The following MROH2A variants were observed in gnomAD, a reference collection of about 807,000 sequenced individuals.
MROH2A encodes the protein maestro heat-like repeat-containing protein family member 2A.
Under a neutral mutation model 200.4 loss-of-function variants are expected in MROH2A, and 174 were observed. The observed-to-expected ratio is 0.87, with a 90% CI of 0.77 to 0.98. The LOEUF (loss-of-function observed/expected upper bound fraction) is 0.98. Ranked by LOEUF, MROH2A falls within the 50% of genes least tolerant of loss-of-function variation. MROH2A has a pLI of 0.00. For synonymous variants in MROH2A, 829 were observed against 840.4 expected (o/e 0.99, Z 0.23); for missense variants, 2,045 against 2,139.6 (o/e 0.96, Z 0.87).
intron 14 of MROH2A, among the ~76,000 whole-genome samples, chr2:233,800,739 G>A (rs1483689595): frequency 6.6e-6 from 1 of 152,168 alleles, no homozygotes; most frequent in Non-Finnish European, 1.5e-5. Context: ...CAGGACAGAG[G>A]AGTGTGCACT....
At chr2:233,804,438 G>A in intron 17 of MROH2A, 57 bp from the exon 18 acceptor site, 1 of 1,538,180 alleles carries the variant, frequency 6.5e-7, no homozygotes, top group Non-Finnish European at 8.8e-7. Context: ...TTGAATACCA[G>A]GCTTAGGGGA....
chr2:233,787,430 C>CATATACATATATATT (rs1468865002), intron 3 of MROH2A, among the ~76,000 whole-genome samples: 1 of 134,558 alleles, frequency 7.4e-6, no homozygotes, highest in African/African-American at 2.9e-5. Context: ...CACACACACA[C>CATATACATATATATT]ATATGTATAT....
Position 233,823,338 on chromosome 2 carries a change from G to A in MROH2A, c.4005-218G>A, listed in dbSNP as rs182746102. 3.4e-3 allele frequency among the ~76,000 whole-genome samples: 523 copies of A among 152,348 alleles called. 3 individuals carry two copies. Among genetic ancestry groups the A allele is most frequent in the African/African-American group, 0.012 (499 of 41,580 alleles). Reference sequence around the variant, plus strand: ...TCACTCCGGAGCCGCCCTCACTCTAGTCCCCTTTGTAAAAAGGAGATAGAC... The same window carrying A: ...TCACTCCGGAGCCGCCCTCACTCTAATCCCCTTTGTAAAAAGGAGATAGAC... On this transcript the variant is annotated intron_variant, in intron 34 of 41. Coordinates refer to ENST00000389758, the MANE Select transcript of MROH2A (RefSeq NM_001394639.1).
In MROH2A at chr2:233,833,048, G is replaced by A. The variant is rs547358663; in HGVS notation, c.4904-90G>A. On this transcript the variant is annotated intron_variant, in intron 41 of 41. Transcript: ENST00000389758. ...CCGTCTGCCCCTGCCCACCTTCTGC[G>A]GCCCTTGCCTGCCATCACTGCCCAG... The A allele has an allele frequency of 7.7e-6, 11 of 1,429,330 alleles. No individual in the cohort carries two copies. In the African/African-American group the frequency reaches 8.7e-5, roughly 11 times the overall value. The allele number at this position is 1,429,330 out of a possible 1,614,324, so 88.5% of individuals were successfully genotyped here.
At chr2:233,780,280 A>T (rs528785497) in intron 3 of MROH2A, among the ~76,000 whole-genome samples, 19 of 152,346 alleles carry the variant, frequency 1.2e-4, no homozygotes, top group Admixed American at 8.5e-4. Context: ...CAAGGTTTGC[A>T]TCACGTGGTA....
intron 9 of MROH2A, 70 bp from the exon 10 acceptor site, chr2:233,795,897 G>C: frequency 6.5e-7 from 1 of 1,529,748 alleles, no homozygotes; most frequent in Non-Finnish European, 8.8e-7. Context: ...CCCCAGGTAT[G>C]GTCAGCTGGG....
chr2:233,828,768 G>A lies in MROH2A; in HGVS notation c.4252G>A (p.Ala1418Thr), dbSNP rs1429990206. Reference sequence around the variant, plus strand: ...CGCCCTCGGCAACATGGCCCTGGGCGCCCCCAAGAAGGTACTGTGCCTGGC... The same window carrying A: ...CGCCCTCGGCAACATGGCCCTGGGCACCCCCAAGAAGGTACTGTGCCTGGC... ...LRALGNMALGAPKKVKQYRKV... is the reference protein window; with the variant it reads ...LRALGNMALGTPKKVKQYRKV... Residue 1418 changes from alanine (A) to threonine (T), a missense_variant, in exon 36 of 42, where the codon GCC becomes ACC. Coordinates refer to ENST00000389758, the MANE Select transcript of MROH2A (RefSeq NM_001394639.1). This position sits in a 1 kb window ranked among gnomAD's most constrained non-coding sequence, Gnocchi z 4.6. 242 of 1,550,100 alleles carry A rather than the reference G, an allele frequency of 1.6e-4. No individual in the cohort carries two copies. Among genetic ancestry groups the A allele is most frequent in the Non-Finnish European group, 2.0e-4 (232 of 1,146,820 alleles).
At chr2:233,804,443 AG>A (rs1411944694) in intron 17 of MROH2A, 51 bp from the exon 18 acceptor site, 1 of 1,539,816 alleles carries the variant, frequency 6.5e-7, no homozygotes, top group Non-Finnish European at 8.8e-7. Context: ...TACCAGGCTT[AG>A]GGGAGCAGTG....
chr2:233,821,952 CA>C (rs1260883172), intron 31 of MROH2A, among the ~76,000 whole-genome samples, 171 bp from the exon 32 acceptor site: 1 of 152,190 alleles, frequency 6.6e-6, no homozygotes, highest in African/African-American at 2.4e-5. Context: ...AGTATAGTGT[CA>C]GGGGCCTGGG....
At chr2:233,785,884 T>C (rs1445412101) in intron 3 of MROH2A, among the ~76,000 whole-genome samples, 1 of 152,110 alleles carries the variant, frequency 6.6e-6, no homozygotes, top group Non-Finnish European at 1.5e-5. Flanking sequence ...AAACAGAAAT[T>C]TATTTTCTCA....
chr2:233,814,543 C>T, intron 25 of MROH2A, 39 bp from the exon 26 acceptor site: 1 of 1,486,910 alleles, frequency 6.7e-7, no homozygotes, highest in South Asian at 1.2e-5. Context: ...TGTGGGTGCC[C>T]CTCATTGCCG....
chr2:233,803,332 G>A, intron 15 of MROH2A, 116 bp from the exon 16 acceptor site: 2 of 1,105,346 alleles, frequency 1.8e-6, no homozygotes, highest in South Asian at 1.5e-5. Flanking sequence ...GGGGTTTGGG[G>A]AACAAGATCA....
rs575742221 is a variant in MROH2A, at chr2:233,794,454, C to T, written c.914C>T (p.Pro305Leu). ...DLREQVYDYI[P>L]LLLAEYQGSL... ...CGGGAGCAGGTCTACGACTACATCC[C>T]CCTGCTGCTGGCGGAGTACCAGGGC... Residue 305 changes from proline (P) to leucine (L), a missense_variant, in exon 8 of 42, where the codon CCC becomes CTC. This residue lies in a region of MROH2A where 831 missense variants were observed against 800.0 expected (regional missense o/e 1.04). Coordinates refer to ENST00000389758, the MANE Select transcript of MROH2A (RefSeq NM_001394639.1). The T allele has an allele frequency of 1.9e-6, 3 of 1,550,282 alleles. No homozygotes were observed. Among genetic ancestry groups the T allele is most frequent in the Admixed American group, 3.9e-5 (2 of 50,976 alleles).
rs149563315 is a variant in MROH2A at position 233,805,722 on chromosome 2, A to G, written c.2052+611A>G. ...AAGACAGTGAGATACTGGCATAAGG[A>G]TAGATTGATAAAATAGAAGTGAGAG... On this transcript the variant is annotated intron_variant, in intron 19 of 41. Coordinates refer to ENST00000389758, the MANE Select transcript of MROH2A (RefSeq NM_001394639.1). 4.4e-3 allele frequency among the ~76,000 whole-genome samples: 677 copies of G among 152,336 alleles called. 32 individuals are homozygous for G. The highest frequency in any genetic ancestry group is 0.038 in the Admixed American group (580 of 15,292).
At chr2:233,831,141 C>A (rs1384708797) in intron 38 of MROH2A, among the ~76,000 whole-genome samples, 6 of 152,204 alleles carry the variant, frequency 3.9e-5, no homozygotes, top group Admixed American at 3.9e-4. Context: ...GGGTCCCAGG[C>A]AGGGCTGCTG....
intron 3 of MROH2A, among the ~76,000 whole-genome samples, chr2:233,782,713 C>G (rs980201502): frequency 1.3e-5 from 2 of 152,170 alleles, no homozygotes; most frequent in African/African-American, 4.8e-5. Flanking sequence ...GTTTCTTTCT[C>G]TTGCCTAACT....
At chr2:233,831,583 C>T in intron 39 of MROH2A, 43 bp downstream of exon 39, 1 of 1,537,366 alleles carries the variant, frequency 6.5e-7, no homozygotes, top group South Asian at 1.2e-5. Context: ...CAGGTGGCCA[C>T]ACGCTGGCTT....
intron 3 of MROH2A, among the ~76,000 whole-genome samples, chr2:233,783,554 T>C (rs1490620594): frequency 6.6e-6 from 1 of 152,138 alleles, no homozygotes; most frequent in Admixed American, 6.6e-5. Flanking sequence ...TATTTATTTA[T>C]TTATTTTGGT....
intron 5 of MROH2A, among the ~76,000 whole-genome samples, chr2:233,791,955 AG>A (rs1260284993): frequency 2.6e-5 from 4 of 152,072 alleles, no homozygotes; most frequent in African/African-American, 7.2e-5. Flanking sequence ...GGTGAAGTGG[AG>A]GGGCCTGCCT....
Sources: allele counts gnomAD v4.1 joint callset (sites outside exome capture counted in the v4.1 genomes callset), GRCh38; gene constraint gnomAD v4.1.1; regional missense constraint gnomAD v4.1.1; non-coding constraint Gnocchi (gnomAD v3.1); transcripts MANE v1.5; gene names NCBI Gene and HGNC (gene_info 2026-07-23, HGNC 2026-07-21).